The following COL2A1 variants were observed in gnomAD, a reference collection of about 807,000 sequenced individuals.
COL2A1 encodes collagen alpha-1(II) chain.
In COL2A1, 28 loss-of-function variants were observed where a neutral mutation model predicts 204.5. The ratio of observed to expected loss-of-function variants is 0.14; its 90% CI spans 0.10 to 0.19. The LOEUF is 0.19. Among genes scored for constraint, COL2A1 ranks in the 10% least tolerant of loss-of-function variants. The pLI is 1.00. For synonymous variants in COL2A1, 708 were observed against 718.7 expected, an observed-to-expected ratio of 0.99 and a Z score of 0.24; for missense variants, 1,388 against 2,027.5, an observed-to-expected ratio of 0.68 and a Z score of 6.06.
Position 47,998,397 on chromosome 12 carries a change from AAAG to A in COL2A1, c.309+15_309+17del. ...AAGCCAAAAAAATATGAAAAAAGAAAAAGAAGAAAGCCCTTACCTTTGGTCCTG... is the reference window on the plus strand; with the variant it reads ...AAGCCAAAAAAATATGAAAAAAGAAAAAGAAAGCCCTTACCTTTGGTCCTG... On this transcript the variant is annotated intron_variant, in intron 3 of 53. Coordinates refer to ENST00000380518, the MANE Select transcript of COL2A1 (RefSeq NM_001844.5). 1 of 1,593,306 alleles carries A rather than the reference AAAG, an allele frequency of 6.3e-7. No individual in the cohort carries two copies.
At position 47,973,530 on chromosome 12, in the gene COL2A1, C is replaced by A; in HGVS notation, c.4341G>T (p.Lys1447Asn). ...TCTGTGACCGGTACTCGATAACAGT[C>A]TTGCCCCACTTACCGGTATGTTTCT... The part of the protein sequence containing the change: ...GCTKHTGKWG[K>N]TVIEYRSQKT... The change falls in exon 54 of 54, where the codon AAG becomes AAT. Residue 1447 changes from lysine to asparagine, a missense_variant. Lys to Asn is a moderately conservative substitution (Grantham distance 94). Transcript: ENST00000380518. The A allele has an allele frequency of 6.2e-7, 1 of 1,614,126 alleles. No homozygotes were observed. The highest frequency in any genetic ancestry group is 8.5e-7 in the Non-Finnish European group (1 of 1,180,034).
chr12:47,983,732 G>A lies in COL2A1; in HGVS notation c.1946C>T (p.Pro649Leu). ...ACCCTGCTCGCCTCGTTCACCAGCA[G>A]GTCCCTGCAGTGGAAAAGAAAAGGT... ...GAAGPPGPAGPAGERGEQGAP... is the reference protein window; with the variant it reads ...GAAGPPGPAGLAGERGEQGAP... The change falls in exon 30 of 54, where the codon CCT becomes CTT. Residue 649 changes from proline to leucine, a missense_variant. Around this residue, in one of 3 missense-constraint regions of COL2A1, gnomAD observed 884 missense variants for 1,415.8 expected, o/e 0.62. Transcript: ENST00000380518. 1.3e-6 allele frequency: 2 copies of A among 1,589,868 alleles called. No homozygotes were observed. Among genetic ancestry groups the A allele is most frequent in the Admixed American group, 3.5e-5 (2 of 56,416 alleles).
In COL2A1 at chr12:47,977,633, G is replaced by A. The variant is rs780693364; in HGVS notation, c.3132C>T (p.Gly1044=). 1.9e-6 allele frequency: 3 copies of A among 1,614,080 alleles called. No homozygotes were observed. The highest frequency in any genetic ancestry group is 2.2e-5 in the South Asian group (2 of 91,076). The stretch of plus-strand genomic sequence containing the variant: ...CAGCAGCGCCATCTCTGCCAGGGGG[G>A]CCATCAGCACCGGGGCTTCCCTGGA... ...PGREGSPGAD[G]PPGRDGAAGV... Residue 1044 remains glycine (G), a synonymous_variant, in exon 45 of 54, where the codon GGC becomes GGT. Transcript: ENST00000380518.
rs570533789 is a variant in COL2A1, at chr12:47,983,416, G to A, written c.2018C>T (p.Pro673Leu). The change falls in exon 31 of 54, where the codon CCC (proline) becomes CTC (leucine). Residue 673 changes from proline to leucine, a missense_variant. Physicochemically the swap from Pro to Leu is moderately conservative, Grantham distance 98. Coordinates refer to ENST00000380518, the MANE Select transcript of COL2A1 (RefSeq NM_001844.5). ...ACCTGGTTTTCCACCTTCACCTGGG[G>A]GACCAGGAGGGCCAGGAAGTCCCTA... ...GFQGLPGPPG[P>L]PGEGGKPGDQ... 1 of 1,614,130 alleles carries A rather than the reference G, an allele frequency of 6.2e-7. No individual in the cohort carries two copies. Among genetic ancestry groups the A allele is most frequent in the Non-Finnish European group, 8.5e-7 (1 of 1,179,992 alleles).
chr12:47,985,972 A>G lies in COL2A1; in HGVS notation c.1528-7T>C. 6.4e-7 allele frequency: 1 copy of G among 1,551,550 alleles called. No individual in the cohort carries two copies. On this transcript the variant is annotated splice_polypyrimidine_tract_variant and splice_region_variant and intron_variant, in intron 23 of 53. Coordinates refer to ENST00000380518, the MANE Select transcript of COL2A1 (RefSeq NM_001844.5). ...CGCGGTTGCCGGGAGCACCCTAAGG[A>G]GCCACAGGGAGGAGAGGCAGTGAGT...
At chr12:47,974,887 A>T (rs1565666354) in intron 51 of COL2A1, 25 bp from the exon 52 acceptor site, 1 of 1,606,882 alleles carries the variant, frequency 6.2e-7, no homozygotes, top group African/African-American at 1.3e-5. Context: ...GGCAGCACCC[A>T]TGGGGGCTCA....
chr12:48,001,358 CT>C (rs2136641836), intron 1 of COL2A1, among the ~76,000 whole-genome samples: 2 of 152,330 alleles, frequency 1.3e-5, no homozygotes, highest in East Asian at 3.9e-4. Flanking sequence ...TCCGCCTAGC[CT>C]TTGGGCAAGA....
intron 17 of COL2A1, 81 bp from the exon 18 acceptor site, chr12:47,989,362 C>T (rs1044499470): frequency 9.0e-6 from 10 of 1,112,792 alleles, no homozygotes; most frequent in Middle Eastern, 2.0e-4. Flanking sequence ...CCTCACACTC[C>T]TTCCCTCCTC....
chr12:47,983,105 G>A lies in COL2A1; in HGVS notation c.2082C>T (p.Leu694=), dbSNP rs776344588. 12 of 1,613,810 alleles carry A rather than the reference G, an allele frequency of 7.4e-6. No homozygotes were observed. Among genetic ancestry groups the A allele is most frequent in the Admixed American group, 3.3e-5 (2 of 59,974 alleles). ...ACAGGATACTCACCCTGGGACCCAC[G>A]AGGCCAGGGGCTCCAGCTTCACCGG... ...GVPGEAGAPG[L]VGPRGERGFP... is the part of the protein sequence containing the mutation. Residue 694 remains leucine (L), a synonymous_variant, in exon 32 of 54, where the codon CTC becomes CTT. Coordinates refer to ENST00000380518, the MANE Select transcript of COL2A1 (RefSeq NM_001844.5).
At position 47,993,013 on chromosome 12, in the gene COL2A1, C is replaced by A. The variant is rs950230328; in HGVS notation, c.970-82G>T. The A allele has an allele frequency of 1.3e-5, 17 of 1,345,226 alleles. No homozygotes were observed. The Admixed American group carries it at 2.0e-4, about 16-fold the overall frequency. 83.3% of individuals were successfully genotyped at this position (1,345,226 alleles called of 1,614,324 possible). A position where few individuals can be genotyped will look rare whatever the true frequency, so the allele number is the denominator to read the frequency against. ...ACCATTTCTACCTGCAGGCCCTTTG[C>A]GGATACCAGAGGAGAGGGAGGATGC... is the stretch of plus-strand genomic sequence containing the variant. On this transcript the variant is annotated intron_variant, in intron 15 of 53. Coordinates refer to ENST00000380518, the MANE Select transcript of COL2A1 (RefSeq NM_001844.5).
chr12:47,988,088 C>G (rs762995538), intron 18 of COL2A1, among the ~76,000 whole-genome samples: 19 of 152,208 alleles, frequency 1.2e-4, no homozygotes, highest in Non-Finnish European at 1.6e-4. Flanking sequence ...GGACACCGCT[C>G]TCTCCCCCAC....
chr12:47,981,279 C>G, intron 37 of COL2A1, 64 bp downstream of exon 37: 2 of 1,549,274 alleles, frequency 1.3e-6, no homozygotes, highest in Non-Finnish European at 8.8e-7. Flanking sequence ...CCTGCACTGA[C>G]TCCCTGGCTC....
In COL2A1 at chr12:47,987,106, G is replaced by A. The variant is rs532077176; in HGVS notation, c.1337C>T (p.Thr446Ile). The A allele has an allele frequency of 6.2e-7, 1 of 1,614,174 alleles. No individual in the cohort carries two copies. Among genetic ancestry groups the A allele is most frequent in the East Asian group, 2.2e-5 (1 of 44,850 alleles). ...CTGACCTTTCGGGCCCAGAGGACCAGTTGCACCTTGAGGGCCAGGAGGGCC... is the reference window on the plus strand; with the variant it reads ...CTGACCTTTCGGGCCCAGAGGACCAATTGCACCTTGAGGGCCAGGAGGGCC... Reference protein sequence around the residue: ...PRGPPGPQGATGPLGPKGQTG... With the variant: ...PRGPPGPQGAIGPLGPKGQTG... The change falls in exon 21 of 54, where the codon ACT (threonine) becomes ATT (isoleucine). Residue 446 changes from threonine to isoleucine, a missense_variant. Physicochemically the swap from Thr to Ile is moderately conservative, Grantham distance 89. Coordinates refer to ENST00000380518, the MANE Select transcript of COL2A1 (RefSeq NM_001844.5). This position sits in a 1 kb window ranked among gnomAD's most constrained non-coding sequence, Gnocchi z 4.1.
At position 47,983,756 on chromosome 12, in the gene COL2A1, G is replaced by C. The variant is rs1414679840; in HGVS notation, c.1942-20C>G. On this transcript the variant is annotated intron_variant, in intron 29 of 53. Transcript: ENST00000380518. Reference sequence around the variant, plus strand: ...AGGTCCCTGCAGTGGAAAAGAAAAGGTGAGCTGAGCCAGTGTTCCAGAGAC... The same window carrying C: ...AGGTCCCTGCAGTGGAAAAGAAAAGCTGAGCTGAGCCAGTGTTCCAGAGAC... 1.3e-6 allele frequency: 2 copies of C among 1,573,808 alleles called. No individual in the cohort carries two copies. Among genetic ancestry groups the C allele is most frequent in the Non-Finnish European group, 8.6e-7 (1 of 1,159,330 alleles).
intron 18 of COL2A1, chr12:47,988,530 C>T (rs1387417481): frequency 1.3e-5 from 2 of 156,410 alleles, no homozygotes; most frequent in Non-Finnish European, 2.8e-5. Context: ...TTCCGCTGTC[C>T]CTCTTCACAA....
chr12:47,975,887 C>T lies in COL2A1; in HGVS notation c.3597+76G>A, dbSNP rs530870824. 4.5e-6 allele frequency: 5 copies of T among 1,118,016 alleles called. No homozygotes were observed. The African/African-American group carries it at 7.6e-5, about 17-fold the overall frequency. 69.3% of individuals were successfully genotyped at this position (1,118,016 alleles called of 1,614,324 possible). On this transcript the variant is annotated intron_variant, in intron 50 of 53. Coordinates refer to ENST00000380518, the MANE Select transcript of COL2A1 (RefSeq NM_001844.5). ...CTGCAGGCTGATGCCCTAAAAGAGG[C>T]CCTGAGCAAAAAAGAGCTCAAGCCT...
At chr12:47,996,440 G>A (rs941430016) in intron 8 of COL2A1, 108 bp downstream of exon 8, 28 of 965,604 alleles carry the variant, frequency 2.9e-5, no homozygotes, top group Non-Finnish European at 4.4e-5. Context: ...CTACGGAGGA[G>A]AGCCACTCTA....
chr12:47,997,648 G>A lies in COL2A1; in HGVS notation c.489C>T (p.Pro163=), dbSNP rs760638362. Residue 163 remains proline, a synonymous_variant, in exon 7 of 54, where the codon CCC becomes CCT. Transcript: ENST00000380518. ...GEPGTPGNPG[P]PGPPGPPGPP... is the part of the protein sequence containing the mutation. The stretch of plus-strand genomic sequence containing the variant: ...GACCAGGGGGGCCGGGAGGACCAGG[G>A]GGGCCAGGATTTCCAGGGGTCCCAG... 5.6e-6 allele frequency: 9 copies of A among 1,613,736 alleles called. No individual in the cohort carries two copies. In the Admixed American group the frequency reaches 1.3e-4, roughly 24 times the overall value.
Position 47,979,589 on chromosome 12 carries a change from G to A in COL2A1, c.2680-25C>T, listed in dbSNP as rs756040886. The stretch of plus-strand genomic sequence containing the variant: ...CCTGTGTGGGGAGAGGAGAGCCCCT[G>A]AGAACCTCAAGCCCTCAGGAGGTTT... On this transcript the variant is annotated intron_variant, in intron 40 of 53. Coordinates refer to ENST00000380518, the MANE Select transcript of COL2A1 (RefSeq NM_001844.5). 2.0e-6 allele frequency: 3 copies of A among 1,466,868 alleles called. No individual in the cohort carries two copies. In the African/African-American group the frequency reaches 4.3e-5, roughly 21 times the overall value. 90.9% of individuals were successfully genotyped at this position (1,466,868 alleles called of 1,614,324 possible).
Sources: gnomAD v4.1 joint callset for allele counts (sites outside exome capture counted in the v4.1 genomes callset) on GRCh38, gnomAD v4.1.1 for gene constraint, gnomAD v4.1.1 regional missense constraint, Gnocchi (gnomAD v3.1) non-coding constraint, MANE v1.5 for transcripts, NCBI Gene and HGNC (gene_info 2026-07-23, HGNC 2026-07-21) for gene names.